Variants in DPF1 observed in about 807,000 individuals in gnomAD.
DPF1 encodes zinc finger protein neuro-d4.
In DPF1, 14 loss-of-function variants were observed where a neutral mutation model predicts 58.7. That is an observed-to-expected ratio of 0.24 (90% confidence interval 0.16 to 0.37). The LOEUF (loss-of-function observed/expected upper bound fraction) is 0.37. Ranked by LOEUF, DPF1 falls within the 10% of genes least tolerant of loss-of-function variation. The probability of loss-of-function intolerance (pLI) is 1.00; values close to 1 mark genes in which losing one functional copy is unlikely to be tolerated. For missense variants in DPF1, 345 were observed against 529.9 expected (o/e 0.65, Z 3.43); for synonymous variants, 216 against 216.0 (o/e 1.00, Z 0.00).
At chr19:38,213,589 T>C (rs1045950665) in intron 10 of DPF1, 55 bp downstream of exon 10, 89 of 1,497,908 alleles carry the variant, frequency 5.9e-5, no homozygotes, top group Non-Finnish European at 7.8e-5. Context: ...GGGGCAGAGG[T>C]GGACGTGCCA....
intron 7 of DPF1, 136 bp from the exon 8 acceptor site, chr19:38,216,539 G>T: frequency 9.4e-7 from 1 of 1,060,452 alleles, no homozygotes; most frequent in Non-Finnish European, 1.3e-6. Flanking sequence ...CCCAAGCTGT[G>T]GGGAGAGGTG....
At chr19:38,226,977 TTTC>T (rs904978547), upstream of DPF1, among the ~76,000 whole-genome samples, 10 of 149,378 alleles carry the variant, frequency 6.7e-5, no homozygotes, top group Non-Finnish European at 1.5e-4. Context: ...TTTCTTTTCT[TTTC>T]TTCTTTTATT....
intron 4 of DPF1, 125 bp downstream of exon 4, chr19:38,218,806 A>G: frequency 6.5e-7 from 1 of 1,543,706 alleles, no homozygotes; most frequent in Admixed American, 1.8e-5. Context: ...GAGGATGGTG[A>G]CTGGGATGCC....
At chr19:38,221,363 C>A (rs1278032520) in intron 3 of DPF1, among the ~76,000 whole-genome samples, 1 of 151,958 alleles carries the variant, frequency 6.6e-6, no homozygotes, top group East Asian at 1.9e-4. Context: ...CATGGTGAAA[C>A]CCTGTCTCTA....
intron 5 of DPF1, among the ~76,000 whole-genome samples, chr19:38,218,218 A>G (rs919351098): frequency 6.6e-6 from 1 of 152,302 alleles, no homozygotes; most frequent in African/African-American, 2.4e-5. Context: ...GAAAAAAAAG[A>G]AAAAAGAAAG....
At position 38,224,078 on chromosome 19, in the gene DPF1, C is replaced by T; in HGVS notation, c.29+36G>A. The T allele has an allele frequency of 6.7e-7, 1 of 1,496,682 alleles. No individual in the cohort carries two copies. The highest frequency in any genetic ancestry group is 8.8e-7 in the Non-Finnish European group (1 of 1,135,984). The allele number at this position is 1,496,682 out of a possible 1,614,324, so 92.7% of individuals were successfully genotyped here. A position where few individuals can be genotyped will look rare whatever the true frequency, so the allele number is the denominator to read the frequency against. ...ACACACAGGCCCGCGTAGACCCGCCCGCGCTTCCTCTCCGCCTCCCGCCGG... is the reference window on the plus strand; with the variant it reads ...ACACACAGGCCCGCGTAGACCCGCCTGCGCTTCCTCTCCGCCTCCCGCCGG... On this transcript the variant is annotated intron_variant, in intron 1 of 11. Transcript: ENST00000355526. This position sits in a 1 kb window ranked among gnomAD's most constrained non-coding sequence, Gnocchi z 4.5.
intron 9 of DPF1, among the ~76,000 whole-genome samples, chr19:38,214,580 C>T (rs1461331197): frequency 6.6e-6 from 1 of 152,184 alleles, no homozygotes; most frequent in Non-Finnish European, 1.5e-5. Context: ...ATCCTGCTAC[C>T]GGTGCCCAGG....
rs200900343 is a variant in DPF1, at chr19:38,213,644, G to C, written c.1011C>G (p.Asp337Glu). Residue 337 changes from aspartate to glutamate, a missense_variant and splice_region_variant, in exon 10 of 12, where the codon GAC becomes GAG. Asp to Glu is a conservative substitution (Grantham distance 45). Transcript: ENST00000355526. ...SCSLCGTSENDDQLLFCDDCD... is the reference protein window; with the variant it reads ...SCSLCGTSENEDQLLFCDDCD... ...CACGCGGGGGGCGGGCGGCACTCAC[G>C]TCGTTCTCGGAGGTTCCGCACAGGC... 2 of 1,612,228 alleles carry C rather than the reference G, an allele frequency of 1.2e-6. No homozygotes were observed. The highest frequency in any genetic ancestry group is 1.1e-5 in the South Asian group (1 of 91,020).
At chr19:38,226,444 A>G (rs2146225853), upstream of DPF1, among the ~76,000 whole-genome samples, 1 of 150,192 alleles carries the variant, frequency 6.7e-6, no homozygotes, top group Admixed American at 6.6e-5. Flanking sequence ...CATTTTTGTC[A>G]CTTGAAATCC....
At chr19:38,228,287 C>A (rs1441165914), upstream of DPF1, among the ~76,000 whole-genome samples, 1 of 151,972 alleles carries the variant, frequency 6.6e-6, no homozygotes, top group African/African-American at 2.4e-5. Context: ...CCACCTCCCA[C>A]CCCCATTCCC....
At chr19:38,229,678 C>T (rs1476018471), upstream of DPF1, 7 of 566,348 alleles carry the variant, frequency 1.2e-5, no homozygotes, top group Non-Finnish European at 1.6e-5. The surrounding 1 kb of genome is among the most constrained non-coding windows in gnomAD (Gnocchi z 5.3). Flanking sequence ...GCTCTGCCGC[C>T]CAGCGCGCTA....
At chr19:38,226,502 C>CCACACACACACACACACA (rs758283337), upstream of DPF1, among the ~76,000 whole-genome samples, 44 of 112,388 alleles carry the variant, frequency 3.9e-4, no homozygotes, top group African/African-American at 1.3e-3. Context: ...ACGGTCACTT[C>CCACACACACACACACACA]TACACACACA....
intron 3 of DPF1, among the ~76,000 whole-genome samples, chr19:38,220,132 G>A (rs947728693): frequency 2.0e-5 from 3 of 149,254 alleles, no homozygotes; most frequent in Non-Finnish European, 4.4e-5. Context: ...AGGTTGCAGT[G>A]AGCCGAGATC....
At chr19:38,214,776 C>A (rs1238043263) in intron 9 of DPF1, among the ~76,000 whole-genome samples, 1 of 152,052 alleles carries the variant, frequency 6.6e-6, no homozygotes, top group African/African-American at 2.4e-5. Flanking sequence ...CAGCGATCCT[C>A]CCACCTCAGC....
chr19:38,226,316 C>T (rs1291405106), upstream of DPF1, among the ~76,000 whole-genome samples: 2 of 149,024 alleles, frequency 1.3e-5, no homozygotes, highest in Non-Finnish European at 3.0e-5. Flanking sequence ...CCTCTTCCAC[C>T]CGGACCCCTG....
At chr19:38,228,410 C>G (rs112415499), upstream of DPF1, among the ~76,000 whole-genome samples, 1 of 151,942 alleles carries the variant, frequency 6.6e-6, no homozygotes, top group Non-Finnish European at 1.5e-5. Context: ...ACCCCCCACC[C>G]CCGCCCCCAG....
chr19:38,212,259 G>A (rs1410915634), intron 11 of DPF1, 21 bp downstream of exon 11: 4 of 718,296 alleles, frequency 5.6e-6, no homozygotes, highest in South Asian at 4.9e-5. Context: ...CGCCCCATGG[G>A]ATGCCCACCT....
chr19:38,219,336 C>A (rs914847925), intron 3 of DPF1: 3 of 461,136 alleles, frequency 6.5e-6, no homozygotes, highest in African/African-American at 2.0e-5. Flanking sequence ...CCCAGACCTA[C>A]TCAGGGAAGA....
intron 10 of DPF1, among the ~76,000 whole-genome samples, chr19:38,212,695 T>G (rs1455077747): frequency 1.3e-5 from 2 of 150,834 alleles, no homozygotes; most frequent in African/African-American, 4.9e-5. Flanking sequence ...CACTGCAGCC[T>G]CACACTCCTT....
Sources: gnomAD v4.1 joint callset for allele counts (sites outside exome capture counted in the v4.1 genomes callset) on GRCh38, gnomAD v4.1.1 for gene constraint, Gnocchi (gnomAD v3.1) non-coding constraint, MANE v1.5 for transcripts, NCBI Gene and HGNC (gene_info 2026-07-23, HGNC 2026-07-21) for gene names.